The following OR2I1 variants were observed in gnomAD, a reference collection of about 807,000 sequenced individuals.
OR2I1 encodes the protein putative olfactory receptor 2I1.
At chr6:29,554,406 G>A in the OR2I1 span, 8 of 356,810 alleles carry the variant, frequency 2.2e-5, no homozygotes, top group Admixed American at 9.3e-5. Flanking sequence ...ACAACTCCAC[G>A]CGCAGGGAAA....
At chr6:29,555,884 C>A in the OR2I1 span, 9 of 1,612,412 alleles carry the variant, frequency 5.6e-6, no homozygotes, top group Non-Finnish European at 6.8e-6. Context: ...GGGTGGTCAC[C>A]CTCCAATACA....
chr6:29,552,310 A>G, the OR2I1 span, among the ~76,000 whole-genome samples: 1 of 152,238 alleles, frequency 6.6e-6, no homozygotes, highest in East Asian at 1.9e-4. Context: ...AGATTTCCCC[A>G]TATCATATAA....
chr6:29,555,659 A>G, the OR2I1 span: 3 of 560,598 alleles, frequency 5.4e-6, no homozygotes, highest in Non-Finnish European at 9.4e-6. Flanking sequence ...TACTAGTCTC[A>G]GTAATACATT....
At chr6:29,550,676 GA>G in the OR2I1 span, 1 of 151,922 alleles carries the variant, frequency 6.6e-6, no homozygotes, top group Non-Finnish European at 1.5e-5. Flanking sequence ...TCTTCTTCCT[GA>G]AATACCTGGC....
At chr6:29,555,861 C>T in the OR2I1 span, 1 of 1,597,510 alleles carries the variant, frequency 6.3e-7, no homozygotes, top group Non-Finnish European at 8.6e-7. Flanking sequence ...CCCCTGCCAA[C>T]ACCCCATGCC....
the OR2I1 span, chr6:29,556,577 C>G: frequency 3.8e-6 from 2 of 520,438 alleles, no homozygotes; most frequent in Non-Finnish European, 6.7e-6. Flanking sequence ...TTTTTTCGAT[C>G]TTGAGAATGG....
At chr6:29,557,367 C>G in the OR2I1 span, 3 of 152,184 alleles carry the variant, frequency 2.0e-5, no homozygotes, top group Non-Finnish European at 4.4e-5. Flanking sequence ...CAGTAATTTT[C>G]TCCTGATAAG....
the OR2I1 span, chr6:29,555,931 G>A: frequency 6.2e-7 from 1 of 1,613,042 alleles, no homozygotes; most frequent in Non-Finnish European, 8.5e-7. Flanking sequence ...CCTTTCTGAT[G>A]CCGTAATCTG....
chr6:29,550,719 C>T, the OR2I1 span: 2 of 152,160 alleles, frequency 1.3e-5, no homozygotes, highest in African/African-American at 4.8e-5. Context: ...CAGAAATCAA[C>T]ACAGCTATGC....
chr6:29,554,357 T>C, the OR2I1 span: 3 of 392,090 alleles, frequency 7.7e-6, no homozygotes, highest in South Asian at 4.3e-4. Context: ...CCCTAAATCC[T>C]CTATATACTC....
At chr6:29,556,292 C>T in the OR2I1 span, 18 of 1,613,084 alleles carry the variant, frequency 1.1e-5, no homozygotes, top group Non-Finnish European at 1.4e-5. Context: ...TTTTTTCACG[C>T]TGTCATATGG....
At chr6:29,556,005 T>C in the OR2I1 span, 5 of 1,613,142 alleles carry the variant, frequency 3.1e-6, no homozygotes, top group African/African-American at 1.3e-5. Context: ...TCAGGGATTA[T>C]ACCCGTCTTA....
the OR2I1 span, among the ~76,000 whole-genome samples, chr6:29,551,782 C>T: frequency 0.026 from 3,950 of 152,272 alleles, 143 homozygotes; most frequent in African/African-American, 0.075. Context: ...CCAAGGTTTT[C>T]CAGCTAGAAA....
the OR2I1 span, chr6:29,556,223 AGCAAAAGAACCTGGTCCT>A: frequency 4.3e-6 from 7 of 1,613,122 alleles, no homozygotes; most frequent in Non-Finnish European, 5.9e-6. Context: ...CTTGGAGCCC[AGCAAAAGAACCTGGTCCT>A]GCACAGGAAC....
At chr6:29,553,927 G>C in the OR2I1 span, 35 of 398,662 alleles carry the variant, frequency 8.8e-5, no homozygotes, top group African/African-American at 1.0e-4. Context: ...CCGGAGGAGG[G>C]CGGTGGGCAC....
At chr6:29,553,774 C>T in the OR2I1 span, 3 of 398,494 alleles carry the variant, frequency 7.5e-6, no homozygotes, top group Non-Finnish European at 1.3e-5. Flanking sequence ...GTTGCTCAAG[C>T]TGGCCTGCGG....
the OR2I1 span, chr6:29,556,550 C>G: frequency 5.5e-6 from 3 of 544,130 alleles, no homozygotes; most frequent in South Asian, 9.0e-5. Flanking sequence ...TTGTCCCATT[C>G]CTTTATAATC....
At chr6:29,556,336 G>A in the OR2I1 span, 25 of 1,611,162 alleles carry the variant, frequency 1.6e-5, no homozygotes, top group Non-Finnish European at 2.0e-5. Flanking sequence ...CCCATTCCTC[G>A]GAACGGACAT....
chr6:29,553,782 C>A, the OR2I1 span: 1 of 398,458 alleles, frequency 2.5e-6, no homozygotes, highest in South Asian at 1.3e-4. Flanking sequence ...AGCTGGCCTG[C>A]GGAGGCGACG....
Sources: gnomAD v4.1 joint callset for allele counts (sites outside exome capture counted in the v4.1 genomes callset) on GRCh38, gnomAD v4.1.1 for gene constraint, MANE v1.5 for transcripts, NCBI Gene and HGNC (gene_info 2026-07-23, HGNC 2026-07-21) for gene names.